HM13: variants seen among roughly 807,000 people sequenced by gnomAD.
HM13 encodes signal peptide peptidase.
Under a neutral mutation model 50.0 loss-of-function variants are expected in HM13, and 18 were observed. That is an observed-to-expected ratio of 0.36 (90% CI 0.25 to 0.53). The LOEUF (loss-of-function observed/expected upper bound fraction) is 0.53. Among genes scored for constraint, HM13 ranks in the 20% least tolerant of loss-of-function variants. HM13 has a pLI of 0.90. For synonymous variants in HM13, 197 were observed against 232.6 expected (o/e 0.85, Z 1.39); for missense variants, 393 against 552.4 (o/e 0.71, Z 2.89).
rs1031739210 is a variant in HM13 at position 31,567,994 on chromosome 20, C to T, written c.1035-84C>T. The T allele has an allele frequency of 4.9e-6, 6 of 1,222,206 alleles. No homozygotes were observed. In the Admixed American group the frequency reaches 1.6e-4, roughly 32 times the overall value. The allele number at this position is 1,222,206 out of a possible 1,614,324, so 75.7% of individuals were successfully genotyped here. On this transcript the variant is annotated intron_variant, in intron 11 of 12. Transcript: ENST00000398174. ...AAAAACAAGACAGTTCTGCTCTCTG[C>T]TCCTTGGAAAGGAAGTCTCTGTCCT...
In HM13 at chr20:31,554,761, A is replaced by G; in HGVS notation, c.740A>G (p.Asp247Gly). ...CCCGCTTCAGTGGTGTTTCCCCAGG[A>G]TCTGCTGGAGAAAGGCCTCGAAGCA... ...EAPIKLVFPQ[D>G]LLEKGLEANN... The change falls in exon 8 of 13, where the codon GAT (aspartate) becomes GGT (glycine). Residue 247 changes from aspartate to glycine, a missense_variant. Asp to Gly is a moderately conservative substitution (Grantham distance 94). This residue lies in a region of HM13 where 74 missense variants were observed against 160.4 expected (regional missense o/e 0.46). Coordinates refer to ENST00000398174, the MANE Select transcript of HM13 (RefSeq NM_178581.3). 1.2e-6 allele frequency: 2 copies of G among 1,613,930 alleles called. No individual in the cohort carries two copies. Among genetic ancestry groups the G allele is most frequent in the Non-Finnish European group, 1.7e-6 (2 of 1,179,960 alleles).
chr20:31,514,541 G>A lies in HM13; in HGVS notation c.-11G>A, dbSNP rs1981641564. ...CCGGAGCTGGAGTCGGATCCCGAAC[G>A]CACCCTCGCCATGGACTCGGCCCTC... is the stretch of plus-strand genomic sequence containing the variant. On this transcript the variant is annotated 5_prime_UTR_variant, in exon 1 of 13. Transcript: ENST00000398174. This position sits in a 1 kb window ranked among gnomAD's most constrained non-coding sequence, Gnocchi z 4.3. The A allele has an allele frequency of 6.2e-7, 1 of 1,601,782 alleles. No homozygotes were observed. The highest frequency in any genetic ancestry group is 1.1e-5 in the South Asian group (1 of 88,994).
intron 1 of HM13, among the ~76,000 whole-genome samples, chr20:31,515,288 C>G (rs1340000254): frequency 6.6e-6 from 1 of 152,240 alleles, no homozygotes; most frequent in African/African-American, 2.4e-5. Context: ...TCCCCCACAC[C>G]TGGCCCTTGC....
intron 1 of HM13, among the ~76,000 whole-genome samples, chr20:31,517,668 G>A (rs1390355423): frequency 1.3e-5 from 2 of 152,294 alleles, no homozygotes; most frequent in Admixed American, 1.3e-4. Context: ...ACCACAAGAT[G>A]TGTTCAGGGA....
chr20:31,562,506 A>T (rs917297545), intron 10 of HM13: 1 of 152,312 alleles, frequency 6.6e-6, no homozygotes, highest in African/African-American at 2.4e-5. Flanking sequence ...CCAGGCTCTC[A>T]AGCCCTGGCC....
rs113937499 is a variant in HM13, at chr20:31,553,067, G to A, written c.725-1679G>A. On this transcript the variant is annotated intron_variant, in intron 7 of 12. Coordinates refer to ENST00000398174, the MANE Select transcript of HM13 (RefSeq NM_178581.3). ...AATCCCAGCACTTTGGGAAGCTGAG[G>A]TGGGCAGATCACAAGGTCAGGAATT... Among the ~76,000 whole-genome samples the A allele has an allele frequency of 8.3e-4, 127 of 152,242 alleles. 1 individual carries two copies. The highest frequency in any genetic ancestry group is 6.8e-3 in the Middle Eastern group (2 of 294).
chr20:31,539,103 G>C lies in HM13; in HGVS notation c.365+842G>C, dbSNP rs549689254. The C allele has an allele frequency of 3.0e-6, 3 of 985,332 alleles. No individual in the cohort carries two copies. The East Asian group carries it at 3.4e-4, about 112-fold the overall frequency. 61.0% of individuals were successfully genotyped at this position (985,332 alleles called of 1,614,324 possible). ...CCCTAACTCAAACTGCCACATGCTC[G>C]TGTCCTTTCAGTGGGGAGAGTGGTT... is the stretch of plus-strand genomic sequence containing the variant. On this transcript the variant is annotated intron_variant, in intron 3 of 12. Coordinates refer to ENST00000398174, the MANE Select transcript of HM13 (RefSeq NM_178581.3).
At chr20:31,552,603 A>T (rs1432458600) in intron 7 of HM13, among the ~76,000 whole-genome samples, 1 of 152,206 alleles carries the variant, frequency 6.6e-6, no homozygotes, top group Non-Finnish European at 1.5e-5. Context: ...AAGTGCTCAT[A>T]TGCTGACATC....
chr20:31,546,481 T>A (rs1983725882), intron 4 of HM13, among the ~76,000 whole-genome samples: 1 of 151,054 alleles, frequency 6.6e-6, no homozygotes, highest in South Asian at 2.1e-4. Context: ...TTGGGCCAGG[T>A]GAGATGGCTC....
chr20:31,515,533 A>T (rs1981719512), intron 1 of HM13, among the ~76,000 whole-genome samples: 1 of 151,786 alleles, frequency 6.6e-6, no homozygotes, highest in Non-Finnish European at 1.5e-5. Context: ...CCAGCCTTTG[A>T]CCCTATCTCA....
intron 4 of HM13, among the ~76,000 whole-genome samples, chr20:31,545,347 A>G (rs1436859493): frequency 6.8e-6 from 1 of 147,702 alleles, no homozygotes; most frequent in African/African-American, 2.7e-5. Flanking sequence ...AGCATTCAGC[A>G]TGGTGCCTGG....
chr20:31,535,915 T>G (rs996943006), intron 2 of HM13, among the ~76,000 whole-genome samples: 2 of 152,082 alleles, frequency 1.3e-5, no homozygotes, highest in Non-Finnish European at 2.9e-5. Flanking sequence ...CAGCTCAGGG[T>G]GAACCTACAC....
Position 31,516,429 on chromosome 20 carries a change from G to A in HM13, c.183+1695G>A, listed in dbSNP as rs185714029. ...TCAGAGCCCTGTCACCAAGGAATTC[G>A]GGAGCGTAGGTGAAAGAATAATAAC... On this transcript the variant is annotated intron_variant, in intron 1 of 12. Transcript: ENST00000398174. Among the ~76,000 whole-genome samples the A allele has an allele frequency of 2.1e-4, 32 of 152,110 alleles. No individual in the cohort carries two copies. The South Asian group carries it at 4.1e-3, about 20-fold the overall frequency.
chr20:31,553,898 G>A (rs1984161388), intron 7 of HM13, among the ~76,000 whole-genome samples: 1 of 152,098 alleles, frequency 6.6e-6, no homozygotes, highest in African/African-American at 2.4e-5. Flanking sequence ...CTGTTATAGT[G>A]AGATGGGAAA....
intron 3 of HM13, among the ~76,000 whole-genome samples, chr20:31,543,516 T>A (rs1241975566): frequency 6.6e-6 from 1 of 151,862 alleles, no homozygotes; most frequent in African/African-American, 2.4e-5. Flanking sequence ...CTCGAACTCC[T>A]GACCTCAAGT....
chr20:31,544,893 G>T (rs6059903), intron 3 of HM13, 54 bp from the exon 4 acceptor site: 14 of 1,462,720 alleles, frequency 9.6e-6, no homozygotes, highest in African/African-American at 1.4e-5. Context: ...GGTGTGTTAA[G>T]GCTGACTGCC....
intron 1 of HM13, 53 bp from the exon 2 acceptor site, chr20:31,527,431 G>A: frequency 7.8e-7 from 1 of 1,278,428 alleles, no homozygotes; most frequent in Non-Finnish European, 1.1e-6. Context: ...GAGCCTTGCA[G>A]GAACATATGG....
At chr20:31,530,473 C>T (rs965756374) in intron 2 of HM13, among the ~76,000 whole-genome samples, 6 of 150,624 alleles carry the variant, frequency 4.0e-5, no homozygotes, top group Admixed American at 6.6e-5. Context: ...CAGTGGCGTG[C>T]GATCTCAGCT....
intron 12 of HM13, 138 bp downstream of exon 12, chr20:31,568,362 A>C: frequency 1.6e-6 from 2 of 1,229,438 alleles, no homozygotes; most frequent in Non-Finnish European, 2.2e-6. Context: ...CTCCACAACC[A>C]CCAGGCAGTG....
Sources: gnomAD v4.1 joint callset for allele counts (sites outside exome capture counted in the v4.1 genomes callset) on GRCh38, gnomAD v4.1.1 for gene constraint, gnomAD v4.1.1 regional missense constraint, Gnocchi (gnomAD v3.1) non-coding constraint, MANE v1.5 for transcripts, NCBI Gene and HGNC (gene_info 2026-07-23, HGNC 2026-07-21) for gene names.